CFAP99: variants seen among roughly 807,000 people sequenced by gnomAD.
CFAP99 encodes the protein cilia and flagella associated protein 99.
CFAP99 carries 84 observed loss-of-function variants against 82.7 expected under a neutral mutation model. The observed-to-expected ratio is 1.02, with a 90% CI of 0.85 to 1.22. The LOEUF (loss-of-function observed/expected upper bound fraction) is 1.22. CFAP99 is among the 50% of genes most tolerant of loss of function. The pLI is 0.00. For synonymous variants in CFAP99, 456 were observed against 429.5 expected (o/e 1.06, Z -0.76); for missense variants, 1,059 against 983.5 (o/e 1.08, Z -1.03).
chr4:2,452,779 C>A (rs1734335949), intron 11 of CFAP99, among the ~76,000 whole-genome samples: 1 of 152,114 alleles, frequency 6.6e-6, no homozygotes, highest in Admixed American at 6.6e-5. Context: ...ATATGAAGGC[C>A]AGGCCAGGCA....
chr4:2,449,687 C>G lies in CFAP99; in HGVS notation c.660C>G (p.Tyr220Ter). Residue 220 changes from tyrosine to a stop codon, truncating the protein, a stop_gained, in exon 7 of 15, where the codon TAC becomes TAG. Transcript: ENST00000635017. LOFTEE classifies it high-confidence loss of function. ...TTCAGCAGGTCCCCCAGAGCACCTA[C>G]CAGCCACCCAAGGAGCAGCAGCAGC... 1.3e-6 allele frequency: 2 copies of G among 1,536,156 alleles called. No individual in the cohort carries two copies. Among genetic ancestry groups the G allele is most frequent in the Non-Finnish European group, 1.7e-6 (2 of 1,146,910 alleles).
Position 2,426,675 on chromosome 4 carries a change from C to CGACTGCCTTCCTAAT in CFAP99, c.111+101_111+102insAATGACTGCCTTCCT, listed in dbSNP as rs1455997516. The CGACTGCCTTCCTAAT allele has an allele frequency of 1.1e-4, 92 of 817,350 alleles. No homozygotes were observed. The African/African-American group carries it at 1.4e-3, about 13-fold the overall frequency. 50.6% of individuals were successfully genotyped at this position (817,350 alleles called of 1,614,324 possible). On this transcript the variant is annotated intron_variant, in intron 2 of 14. Transcript: ENST00000635017. The stretch of plus-strand genomic sequence containing the variant: ...TTAACAGCATCAAATGCCTTCCTAA[C>CGACTGCCTTCCTAAT]GACTGCCTTCCTTCCACATGGGGAG...
In CFAP99 at chr4:2,459,152, C is replaced by T. The variant is rs777220746; in HGVS notation, c.1349C>T (p.Ala450Val). Residue 450 changes from alanine to valine, a missense_variant, in exon 13 of 15, where the codon GCG (alanine) becomes GTG (valine). Transcript: ENST00000635017. ...AGCAGGGGGCTGCTGCAGCGCAGGG[C>T]GCAGGCAGCCCAGGAGGAGCAGCGG... 139 of 1,534,970 alleles carry T rather than the reference C, an allele frequency of 9.1e-5. No homozygotes were observed. The highest frequency in any genetic ancestry group is 3.7e-4 in the African/African-American group (27 of 73,034).
chr4:2,423,840 C>T (rs959289631), intron 1 of CFAP99, among the ~76,000 whole-genome samples: 6 of 150,554 alleles, frequency 4.0e-5, no homozygotes, highest in African/African-American at 9.8e-5. Flanking sequence ...ACCGCACTGG[C>T]GCAGGAACGC....
intron 3 of CFAP99, among the ~76,000 whole-genome samples, chr4:2,437,435 G>A (rs149640041): frequency 5.9e-5 from 9 of 152,266 alleles, no homozygotes; most frequent in South Asian, 2.1e-4. Context: ...TCTGACAGCC[G>A]TCTGCTTTCA....
In CFAP99 at chr4:2,445,234, T is replaced by C. The variant is rs1398591083; in HGVS notation, c.568T>C (p.Phe190Leu). 2.8e-5 allele frequency: 40 copies of C among 1,452,688 alleles called. No individual in the cohort carries two copies. The highest frequency in any genetic ancestry group is 3.4e-5 in the Non-Finnish European group (38 of 1,105,274). 90.0% of individuals were successfully genotyped at this position (1,452,688 alleles called of 1,614,324 possible). The change falls in exon 6 of 15, where the codon TTC (phenylalanine) becomes CTC (leucine). Residue 190 changes from phenylalanine to leucine, a missense_variant. Transcript: ENST00000635017. ...GGCCAAGGTCACAGAGCCCAAGGAA[T>C]TCAACCTGACTGCCCCCAGGCCCCG...
rs1302053214 is a variant in CFAP99, at chr4:2,448,822, G to A, written c.643-848G>A. On this transcript the variant is annotated intron_variant, in intron 6 of 14. Coordinates refer to ENST00000635017, the Ensembl canonical transcript of CFAP99. This position sits in a 1 kb window ranked among gnomAD's most constrained non-coding sequence, Gnocchi z 5.2. ...ACAGGACACATTGAGGCAGGCTGGC[G>A]CCAACACAGGGTCCCTCCAGCTGCC... 1.3e-5 allele frequency among the ~76,000 whole-genome samples: 2 copies of A among 152,226 alleles called. No individual in the cohort carries two copies. Among genetic ancestry groups the A allele is most frequent in the Non-Finnish European group, 2.9e-5 (2 of 68,040 alleles).
exon 13 of CFAP99, chr4:2,459,166 G>C (rs1734513253): frequency 6.5e-7 from 1 of 1,535,432 alleles, no homozygotes; most frequent in African/African-American, 1.4e-5. Context: ...GGCAGCCCAG[G>C]AGGAGCAGCG....
intron 5 of CFAP99, among the ~76,000 whole-genome samples, chr4:2,444,223 C>T (rs1048293819): frequency 1.3e-5 from 2 of 152,276 alleles, no homozygotes; most frequent in South Asian, 4.1e-4. Flanking sequence ...AGACTCACTG[C>T]CCACTCAGGG....
intron 11 of CFAP99, among the ~76,000 whole-genome samples, chr4:2,452,955 C>CGGGAGGCTG (rs1357719083): frequency 7.2e-5 from 11 of 151,986 alleles, no homozygotes; most frequent in African/African-American, 2.7e-4. Flanking sequence ...GCCACCTACT[C>CGGGAGGCTG]GGGAGGCTGA....
intron 14 of CFAP99, among the ~76,000 whole-genome samples, chr4:2,461,330 C>T (rs772370537): frequency 2.6e-5 from 4 of 152,186 alleles, no homozygotes; most frequent in Non-Finnish European, 4.4e-5. Context: ...TACAGGGCTC[C>T]GGAGACGGTT....
At chr4:2,433,192 A>G (rs1733834095) in intron 2 of CFAP99, among the ~76,000 whole-genome samples, 1 of 152,272 alleles carries the variant, frequency 6.6e-6, no homozygotes, top group South Asian at 2.1e-4. Flanking sequence ...CCTGGGGCTG[A>G]TGGCATAGGG....
At chr4:2,442,786 G>A (rs1348391887) in intron 4 of CFAP99, among the ~76,000 whole-genome samples, 1 of 152,226 alleles carries the variant, frequency 6.6e-6, no homozygotes, top group Non-Finnish European at 1.5e-5. Context: ...CAGCTGGAAG[G>A]GGAGCCAAGG....
intron 6 of CFAP99, among the ~76,000 whole-genome samples, chr4:2,447,264 G>A (rs1734185108): frequency 6.6e-6 from 1 of 151,112 alleles, no homozygotes; most frequent in African/African-American, 2.5e-5. Flanking sequence ...ATGACTGGAT[G>A]GATGGATGGA....
At chr4:2,449,877 C>A (rs1734260824) in intron 7 of CFAP99, 57 bp from the exon 8 acceptor site, 15 of 1,529,658 alleles carry the variant, frequency 9.8e-6, no homozygotes, top group Middle Eastern at 1.7e-4. Flanking sequence ...CCTCCCATGG[C>A]CTGGAGGACA....
At chr4:2,422,368 A>C (rs1450631282) in intron 1 of CFAP99, among the ~76,000 whole-genome samples, 2 of 151,776 alleles carry the variant, frequency 1.3e-5, no homozygotes, top group African/African-American at 4.8e-5. Context: ...GGAGCTCTTC[A>C]CCCCCGTCCC....
chr4:2,426,831 C>T (rs1039183644), intron 2 of CFAP99: 22 of 498,466 alleles, frequency 4.4e-5, no homozygotes, highest in African/African-American at 3.1e-4. Context: ...ATCCACACTG[C>T]GGTTCCATCC....
At chr4:2,442,327 G>A (rs959353465) in intron 4 of CFAP99, among the ~76,000 whole-genome samples, 8 of 152,070 alleles carry the variant, frequency 5.3e-5, no homozygotes, top group African/African-American at 7.2e-5. Flanking sequence ...CAGTAACAGC[G>A]TGCAGCTGAA....
At position 2,462,610 on chromosome 4, in the gene CFAP99, G is replaced by A; in HGVS notation, c.1829G>A (p.Ser610Asn). The A allele has an allele frequency of 7.2e-7, 1 of 1,386,348 alleles. No homozygotes were observed. Among genetic ancestry groups the A allele is most frequent in the Non-Finnish European group, 9.3e-7 (1 of 1,072,450 alleles). 85.9% of individuals were successfully genotyped at this position (1,386,348 alleles called of 1,614,324 possible). The change falls in exon 15 of 15, where the codon AGT becomes AAT. Residue 610 changes from serine (S) to asparagine (N), a missense_variant. Physicochemically the swap from Ser to Asn is conservative, Grantham distance 46 (BLOSUM62 1). Transcript: ENST00000635017. The surrounding 1 kb of genome is among the most constrained non-coding windows in gnomAD (Gnocchi z 4.1). ...ACCGCGCGCCCCAAGCCCCGGGTGA[G>A]TCCGGATTGGTGGGAGGAGCCCGGG...
Sources: allele counts gnomAD v4.1 joint callset (sites outside exome capture counted in the v4.1 genomes callset), GRCh38; gene constraint gnomAD v4.1.1; non-coding constraint Gnocchi (gnomAD v3.1); transcripts MANE v1.5; gene names NCBI Gene and HGNC (gene_info 2026-07-23, HGNC 2026-07-21).